FKBP14: variants seen among roughly 807,000 people sequenced by gnomAD.
The protein encoded by FKBP14 is FKBP prolyl isomerase 14.
In FKBP14, 20 loss-of-function variants were observed where a neutral mutation model predicts 21.6. The observed-to-expected ratio is 0.92, with a 90% CI of 0.65 to 1.34. The LOEUF (loss-of-function observed/expected upper bound fraction) is 1.34, where lower values mean the gene tolerates loss of function less well. FKBP14 is among the 40% of genes most tolerant of loss of function. The probability of loss-of-function intolerance (pLI) is 0.00; values close to 1 mark genes in which losing one functional copy is unlikely to be tolerated. For synonymous variants in FKBP14, 79 were observed against 86.7 expected, an observed-to-expected ratio of 0.91 and a Z score of 0.49; for missense variants, 253 against 249.0, an observed-to-expected ratio of 1.02 and a Z score of -0.11.
At chr7:30,023,236 A>G (rs1790082194) in intron 1 of FKBP14, among the ~76,000 whole-genome samples, 1 of 152,326 alleles carries the variant, frequency 6.6e-6, no homozygotes, top group African/African-American at 2.4e-5. Flanking sequence ...CCAAAGTTCA[A>G]GGTCTTAATC....
chr7:30,007,796 C>A (rs993894338), downstream of FKBP14, among the ~76,000 whole-genome samples: 11 of 152,134 alleles, frequency 7.2e-5, no homozygotes, highest in East Asian at 1.5e-3. Context: ...CACCTGTAAT[C>A]CCAGGACTTT....
chr7:30,025,167 T>A (rs1419160911), intron 1 of FKBP14, among the ~76,000 whole-genome samples: 1 of 152,164 alleles, frequency 6.6e-6, no homozygotes, highest in Non-Finnish European at 1.5e-5. Context: ...CTGTTTTAAT[T>A]CATGTTATTC....
chr7:30,006,018 A>G (rs1789607207), downstream of FKBP14, among the ~76,000 whole-genome samples: 1 of 152,130 alleles, frequency 6.6e-6, no homozygotes, highest in African/African-American at 2.4e-5. Flanking sequence ...CTTTGGTACA[A>G]AATTACACAG....
chr7:30,006,601 A>G (rs1789621927), downstream of FKBP14, among the ~76,000 whole-genome samples: 1 of 152,138 alleles, frequency 6.6e-6, no homozygotes, highest in South Asian at 2.1e-4. Context: ...TTGACCATTA[A>G]CTTTTTGCTG....
chr7:30,023,386 T>TA (rs1251913484), intron 1 of FKBP14, among the ~76,000 whole-genome samples: 32 of 152,302 alleles, frequency 2.1e-4, no homozygotes, highest in African/African-American at 6.7e-4. Context: ...TGCACACAGA[T>TA]ATGAAGAGTG....
intron 3 of FKBP14, among the ~76,000 whole-genome samples, chr7:30,016,544 C>T (rs2127947247): frequency 6.6e-6 from 1 of 152,152 alleles, no homozygotes; most frequent in Admixed American, 6.5e-5. Context: ...CAGGCACCTG[C>T]CACCATGCCT....
downstream of FKBP14, among the ~76,000 whole-genome samples, chr7:30,009,336 G>C (rs1383450577): frequency 2.0e-5 from 3 of 151,496 alleles, 1 homozygote; most frequent in Middle Eastern, 6.3e-3. Context: ...AGGTTCAAGT[G>C]ATTCTCCTGC....
downstream of FKBP14, among the ~76,000 whole-genome samples, chr7:30,007,525 C>G (rs1172391840): frequency 6.6e-6 from 1 of 152,146 alleles, no homozygotes; most frequent in African/African-American, 2.4e-5. Context: ...AATTCTAACC[C>G]TGGGGAGGAT....
intron 3 of FKBP14, 111 bp from the exon 4 acceptor site, chr7:30,015,004 A>G (rs1240970274): frequency 5.2e-6 from 3 of 580,002 alleles, no homozygotes; most frequent in African/African-American, 3.8e-5. Context: ...AACTAAATAT[A>G]ATACCTTCTA....
chr7:30,015,816 G>A (rs1267354673), intron 3 of FKBP14, among the ~76,000 whole-genome samples: 4 of 151,740 alleles, frequency 2.6e-5, no homozygotes, highest in East Asian at 1.9e-4. Context: ...TAGTAGAGAC[G>A]GCGTTTCACC....
At chr7:30,018,684 T>G (rs754522376) in intron 3 of FKBP14, among the ~76,000 whole-genome samples, 38 of 152,324 alleles carry the variant, frequency 2.5e-4, no homozygotes, top group Admixed American at 8.5e-4. Flanking sequence ...TTGGCAAAAT[T>G]GTTCTTTCAA....
At chr7:30,016,674 G>A (rs946273297) in intron 3 of FKBP14, among the ~76,000 whole-genome samples, 1 of 152,084 alleles carries the variant, frequency 6.6e-6, no homozygotes, top group African/African-American at 2.4e-5. Context: ...GATTACAGGT[G>A]TGAGCCACCA....
In FKBP14 at chr7:30,014,832, T is replaced by G. The variant is rs1216632318; in HGVS notation, c.539A>C (p.His180Pro). Reference protein sequence around the residue: ...KHGAVVNESHHDALVEDIFDK... With the variant: ...KHGAVVNESHPDALVEDIFDK... ...AAAAATATCCTCCACCAAAGCATCATGATGACTTTCATTCACCACCGCACC... is the reference window on the plus strand; with the variant it reads ...AAAAATATCCTCCACCAAAGCATCAGGATGACTTTCATTCACCACCGCACC... Residue 180 changes from histidine to proline, a missense_variant, in exon 4 of 4, where the codon CAT (histidine) becomes CCT (proline). By Grantham distance (77) the His-to-Pro change is moderately conservative. Coordinates refer to ENST00000222803, the MANE Select transcript of FKBP14 (RefSeq NM_017946.4). 2 of 1,612,066 alleles carry G rather than the reference T, an allele frequency of 1.2e-6. No homozygotes were observed. The highest frequency in any genetic ancestry group is 3.4e-5 in the Admixed American group (2 of 59,394).
intron 2 of FKBP14, chr7:30,022,411 C>T (rs1380237092): frequency 1.1e-5 from 3 of 285,048 alleles, no homozygotes; most frequent in Non-Finnish European, 1.9e-5. Flanking sequence ...TAAAACAACC[C>T]ACCATATTTG....
intron 3 of FKBP14, among the ~76,000 whole-genome samples, chr7:30,016,391 T>G (rs1789885592): frequency 6.6e-6 from 1 of 152,036 alleles, no homozygotes; most frequent in African/African-American, 2.4e-5. Context: ...TCATTTGTTT[T>G]TTTGTTTTTC....
chr7:30,020,142 T>A (rs773731954), intron 2 of FKBP14: 22 of 717,446 alleles, frequency 3.1e-5, no homozygotes, highest in Non-Finnish European at 3.9e-5. Context: ...CCTCCCCCCA[T>A]CCCACATATT....
intron 2 of FKBP14, chr7:30,020,323 A>C: frequency 1.6e-6 from 2 of 1,249,034 alleles, no homozygotes; most frequent in Non-Finnish European, 2.1e-6. Context: ...TTAGTGTTAA[A>C]TACAGATTAG....
At chr7:30,017,187 A>AT (rs1789909817) in intron 3 of FKBP14, among the ~76,000 whole-genome samples, 1 of 151,758 alleles carries the variant, frequency 6.6e-6, no homozygotes, top group Admixed American at 6.6e-5. Context: ...AAAAAAAAAA[A>AT]CAGAAAGAAA....
In FKBP14 at chr7:30,026,336, T is replaced by C. The variant is rs769609634; in HGVS notation, c.173A>G (p.Lys58Arg). The C allele has an allele frequency of 1.9e-6, 3 of 1,611,944 alleles. No homozygotes were observed. The East Asian group carries it at 6.7e-5, about 36-fold the overall frequency. ...CGTGGAGTGAAATAAGGAGCCGTCC[T>C]TTTCTAAGTAGCCTTCATAGTGGAC... The part of the protein sequence containing the change: ...MLVHYEGYLE[K>R]DGSLFHSTHK... The change falls in exon 1 of 4, where the codon AAG (lysine) becomes AGG (arginine). Residue 58 changes from lysine to arginine, a missense_variant. Physicochemically the swap from Lys to Arg is conservative, Grantham distance 26 (BLOSUM62 2). Coordinates refer to ENST00000222803, the MANE Select transcript of FKBP14 (RefSeq NM_017946.4).
Sources: allele counts gnomAD v4.1 joint callset (sites outside exome capture counted in the v4.1 genomes callset), GRCh38; gene constraint gnomAD v4.1.1; transcripts MANE v1.5; gene names NCBI Gene and HGNC (gene_info 2026-07-23, HGNC 2026-07-21).